Variants in C5orf63 observed in about 807,000 individuals in gnomAD.
C5orf63 encodes the protein chromosome 5 open reading frame 63, also known as glutaredoxin-like protein C5orf63.
In C5orf63, 18 loss-of-function variants were observed where a neutral mutation model predicts 13.3. The ratio of observed to expected loss-of-function variants is 1.36; its 90% confidence interval spans 0.94 to 2.01. The LOEUF is 2.01. C5orf63 is among the 30% of genes most tolerant of loss of function. C5orf63 has a pLI of 0.00. For synonymous variants in C5orf63, 38 were observed against 44.7 expected (o/e 0.85, Z 0.60); for missense variants, 118 against 127.7 (o/e 0.92, Z 0.36).
intron 3 of C5orf63, among the ~76,000 whole-genome samples, chr5:127,053,517 T>C (rs1347520839): frequency 2.6e-5 from 4 of 152,076 alleles, no homozygotes; most frequent in Non-Finnish European, 5.9e-5. Flanking sequence ...ATGTGCCATG[T>C]TGGTTTGCTG....
chr5:127,068,545 A>G (rs1355841140), intron 2 of C5orf63, among the ~76,000 whole-genome samples: 1 of 152,184 alleles, frequency 6.6e-6, no homozygotes, highest in Non-Finnish European at 1.5e-5. Context: ...CTTTCTTACT[A>G]TTAAACACAT....
chr5:127,056,769 G>C (rs1753902460), intron 3 of C5orf63, among the ~76,000 whole-genome samples: 1 of 152,194 alleles, frequency 6.6e-6, no homozygotes, highest in Admixed American at 6.6e-5. Context: ...AGCTGTTCCT[G>C]AAACCAGAGC....
intron 2 of C5orf63, among the ~76,000 whole-genome samples, chr5:127,064,637 C>T (rs1016650874): frequency 1.8e-4 from 28 of 152,208 alleles, no homozygotes; most frequent in African/African-American, 6.5e-4. Flanking sequence ...TTCCAGATTT[C>T]AGTGTCAACA....
downstream of C5orf63, chr5:127,047,429 T>G (rs773554697): frequency 1.3e-5 from 5 of 391,074 alleles, no homozygotes; most frequent in Non-Finnish European, 2.3e-5. Flanking sequence ...ATGCCATGTT[T>G]GTAGGTATCT....
intron 2 of C5orf63, among the ~76,000 whole-genome samples, chr5:127,068,518 A>G (rs1273198365): frequency 6.6e-6 from 1 of 152,176 alleles, no homozygotes; most frequent in Non-Finnish European, 1.5e-5. Context: ...CCTACAAAGA[A>G]AAAATAATGA....
At chr5:127,055,974 A>G (rs952157818) in intron 3 of C5orf63, among the ~76,000 whole-genome samples, 2 of 152,230 alleles carry the variant, frequency 1.3e-5, no homozygotes, top group South Asian at 4.1e-4. Flanking sequence ...GGAATGGACC[A>G]TTCAAATATC....
chr5:127,058,238 G>C (rs1028743370), intron 3 of C5orf63, among the ~76,000 whole-genome samples: 4 of 152,010 alleles, frequency 2.6e-5, no homozygotes, highest in African/African-American at 9.7e-5. Flanking sequence ...TCCCCTCTTT[G>C]TGTGCATGTG....
chr5:127,059,043 G>T, intron 2 of C5orf63, 41 bp from the exon 3 acceptor site: 1 of 1,185,808 alleles, frequency 8.4e-7, no homozygotes, highest in Non-Finnish European at 1.2e-6. Flanking sequence ...ATGTGCCCTA[G>T]ACTTTGTTCC....
At chr5:127,052,157 T>G (rs1753701436) in intron 4 of C5orf63, among the ~76,000 whole-genome samples, 1 of 152,226 alleles carries the variant, frequency 6.6e-6, no homozygotes, top group Non-Finnish European at 1.5e-5. Context: ...GCTTTTCTGT[T>G]ACCCCTGTTA....
At chr5:127,051,205 C>A (rs751132641), downstream of C5orf63, 31 of 769,604 alleles carry the variant, frequency 4.0e-5, no homozygotes, top group Non-Finnish European at 5.3e-5. Context: ...CAAATGATGC[C>A]TCTTTGGCTA....
intron 2 of C5orf63, 59 bp from the exon 3 acceptor site, chr5:127,059,061 A>G (rs751460649): frequency 2.6e-5 from 25 of 963,562 alleles, no homozygotes; most frequent in Non-Finnish European, 3.8e-5. Flanking sequence ...TCCTTACAAT[A>G]TGGACAGTAA....
chr5:127,064,593 G>C (rs542351420), intron 2 of C5orf63, among the ~76,000 whole-genome samples: 91 of 152,266 alleles, frequency 6.0e-4, no homozygotes, highest in African/African-American at 2.2e-3. Flanking sequence ...CTGAGACGCA[G>C]CTCCTCATAC....
At chr5:127,052,708 G>C in intron 3 of C5orf63, 39 bp from the exon 4 acceptor site, 2 of 1,438,450 alleles carry the variant, frequency 1.4e-6, no homozygotes, top group South Asian at 1.5e-5. Flanking sequence ...TAAACCCAAA[G>C]AATGGCATTT....
Position 127,051,399 on chromosome 5 carries a change from A to G in C5orf63, c.*372T>C. On this transcript the variant is annotated 3_prime_UTR_variant, in exon 5 of 5. Transcript: ENST00000296662. Reference sequence around the variant, plus strand: ...GTGGAAGAGCATTTATTCTTTCATTAAAAAGTTAAGCCCTCCGGGGCAGCA... The same window carrying G: ...GTGGAAGAGCATTTATTCTTTCATTGAAAAGTTAAGCCCTCCGGGGCAGCA... The G allele has an allele frequency of 8.1e-7, 1 of 1,232,570 alleles. No homozygotes were observed. Among genetic ancestry groups the G allele is most frequent in the Non-Finnish European group, 1.0e-6 (1 of 988,452 alleles). 76.4% of individuals were successfully genotyped at this position (1,232,570 alleles called of 1,614,324 possible). A position where few individuals can be genotyped will look rare whatever the true frequency, so the allele number is the denominator to read the frequency against.
intron 2 of C5orf63, among the ~76,000 whole-genome samples, chr5:127,068,843 A>AG (rs1254463391): frequency 1.3e-5 from 2 of 152,180 alleles, no homozygotes; most frequent in Non-Finnish European, 2.9e-5. Flanking sequence ...TAATGATGCC[A>AG]ATCAAGAACA....
At chr5:127,053,209 C>T (rs937738084) in intron 3 of C5orf63, among the ~76,000 whole-genome samples, 9 of 152,054 alleles carry the variant, frequency 5.9e-5, no homozygotes, top group South Asian at 2.1e-4. Context: ...ATTATTGCAC[C>T]GCCTGTTTTC....
intron 2 of C5orf63, among the ~76,000 whole-genome samples, chr5:127,063,527 T>C (rs1754188303): frequency 1.3e-5 from 2 of 152,170 alleles, no homozygotes; most frequent in Admixed American, 1.3e-4. Flanking sequence ...CGACCAGAAT[T>C]TTTATTCATA....
chr5:127,043,117 A>G (rs960180933), downstream of C5orf63: 2 of 152,240 alleles, frequency 1.3e-5, no homozygotes, highest in African/African-American at 4.8e-5. Context: ...ACATCAAGAA[A>G]CACAGTAATG....
intron 4 of C5orf63, 38 bp downstream of exon 4, chr5:127,052,575 C>T (rs1753718652): frequency 7.6e-7 from 1 of 1,319,508 alleles, no homozygotes; most frequent in Non-Finnish European, 9.9e-7. Flanking sequence ...ATCTAATATG[C>T]AATCCATATA....
Sources: allele counts gnomAD v4.1 joint callset (sites outside exome capture counted in the v4.1 genomes callset), GRCh38; gene constraint gnomAD v4.1.1; transcripts MANE v1.5; gene names NCBI Gene and HGNC (gene_info 2026-07-23, HGNC 2026-07-21).